The following MYH4 variants were observed in gnomAD, a reference collection of about 807,000 sequenced individuals.
The protein encoded by MYH4 is myosin-4.
MYH4 carries 200 observed loss-of-function variants against 229.9 expected under a neutral mutation model. The observed-to-expected ratio is 0.87, with a 90% confidence interval of 0.78 to 0.98. The LOEUF is 0.98. Ranked by LOEUF, MYH4 falls within the 50% of genes least tolerant of loss-of-function variation. MYH4 has a pLI of 0.00. For missense variants in MYH4, 2,148 were observed against 2,332.6 expected (o/e 0.92, Z 1.63); for synonymous variants, 761 against 834.6 (o/e 0.91, Z 1.52).
At chr17:10,457,868 G>T in intron 15 of MYH4, 139 bp from the exon 16 acceptor site, 1 of 1,186,392 alleles carries the variant, frequency 8.4e-7, no homozygotes, top group Non-Finnish European at 1.2e-6. Context: ...ATGTGAAGCA[G>T]TCATTATGTA....
intron 22 of MYH4, among the ~76,000 whole-genome samples, 169 bp downstream of exon 22, chr17:10,454,386 T>C (rs539220568): frequency 1.3e-5 from 2 of 152,356 alleles, no homozygotes; most frequent in East Asian, 1.9e-4. Context: ...TGAATGCACA[T>C]ATGAACGTGT....
At chr17:10,451,816 G>A (rs1048914824) in intron 27 of MYH4, 125 bp downstream of exon 27, 80 of 1,201,388 alleles carry the variant, frequency 6.7e-5, no homozygotes, top group Non-Finnish European at 8.9e-5. Flanking sequence ...ATGTGTACTA[G>A]GAGTAAGTTT....
intron 1 of MYH4, 44 bp from the exon 2 acceptor site, chr17:10,469,380 A>G (rs1192762018): frequency 6.6e-6 from 1 of 152,126 alleles, no homozygotes; most frequent in Admixed American, 6.6e-5. Context: ...TTTTTTCCCC[A>G]TTTAATCACA....
chr17:10,447,799 T>C lies in MYH4; in HGVS notation c.4965+19A>G. 6.3e-7 allele frequency: 1 copy of C among 1,586,786 alleles called. No individual in the cohort carries two copies. Among genetic ancestry groups the C allele is most frequent in the Non-Finnish European group, 8.6e-7 (1 of 1,165,802 alleles). ...AGCACTGAGACTGTACAACACTATGTGTATTTACCCCAGCATACCTTCAGT... is the reference window on the plus strand; with the variant it reads ...AGCACTGAGACTGTACAACACTATGCGTATTTACCCCAGCATACCTTCAGT... On this transcript the variant is annotated intron_variant, in intron 34 of 39. Transcript: ENST00000255381.
chr17:10,459,391 AG>A lies in MYH4; in HGVS notation c.1446del (p.Phe483SerfsTer55), dbSNP rs1205213100. On this transcript the variant is annotated frameshift_variant, in exon 15 of 40. Transcript: ENST00000255381. LOFTEE classifies it high-confidence loss of function. Reference sequence around the variant, plus strand: ...AACTGTTGCAGTTTCTCGTTGGTGAAGTTGATGCACAGCTGCTCCAGGCTGT... The same window carrying A: ...AACTGTTGCAGTTTCTCGTTGGTGAATTGATGCACAGCTGCTCCAGGCTGT... ...DFNSLEQLCI[N>X]FTNEKLQQFF... The A allele has an allele frequency of 1.9e-6, 3 of 1,614,088 alleles. No homozygotes were observed. The highest frequency in any genetic ancestry group is 2.5e-6 in the Non-Finnish European group (3 of 1,180,056).
rs1283164582 is a variant in MYH4, at chr17:10,466,560, G to A, written c.186C>T (p.Ala62=). Residue 62 remains alanine, a synonymous_variant, in exon 3 of 40, where the codon GCC becomes GCT. Transcript: ENST00000255381. ...TACTCACAGCTCCAGCTTCGGTCTTGGCTGTCACCTTCCCCCCTTCCCTGC... is the reference window on the plus strand; with the variant it reads ...TACTCACAGCTCCAGCTTCGGTCTTAGCTGTCACCTTCCCCCCTTCCCTGC... ...VQSREGGKVT[A]KTEAGATVTV... is the part of the protein sequence containing the mutation. 4 of 1,613,726 alleles carry A rather than the reference G, an allele frequency of 2.5e-6. No homozygotes were observed. In the African/African-American group the frequency reaches 5.3e-5, roughly 22 times the overall value.
intron 11 of MYH4, 147 bp downstream of exon 11, chr17:10,462,718 C>T: frequency 1.8e-6 from 1 of 560,698 alleles, no homozygotes; most frequent in East Asian, 2.9e-5. Flanking sequence ...TTGAAATATC[C>T]TACAATTTTT....
At chr17:10,459,723 T>G (rs945467027) in intron 14 of MYH4, among the ~76,000 whole-genome samples, 4 of 151,986 alleles carry the variant, frequency 2.6e-5, no homozygotes, top group African/African-American at 9.7e-5. Flanking sequence ...CCAGGATAGA[T>G]TTTGACTATT....
In MYH4 at chr17:10,463,564, T is replaced by A. The variant is rs759254368; in HGVS notation, c.728A>T (p.Asn243Ile). The A allele has an allele frequency of 6.2e-7, 1 of 1,612,656 alleles. No homozygotes were observed. Among genetic ancestry groups the A allele is most frequent in the East Asian group, 2.2e-5 (1 of 44,854 alleles). ...FGNAKTVRNDNSSRFGKFIRI... is the reference protein window; with the variant it reads ...FGNAKTVRNDISSRFGKFIRI... ...CAAGAGACTTACAAAGCGAGAGGAG[T>A]TGTCATTCCTCACGGTCTTGGCATT... The change falls in exon 8 of 40, where the codon AAC becomes ATC. Residue 243 changes from asparagine (N) to isoleucine (I), a missense_variant. Transcript: ENST00000255381.
intron 39 of MYH4, among the ~76,000 whole-genome samples, chr17:10,444,037 T>A (rs1477183571): frequency 2.0e-5 from 3 of 152,180 alleles, no homozygotes; most frequent in Non-Finnish European, 4.4e-5. Context: ...AGTCTCTCTC[T>A]CACTTGACTC....
chr17:10,459,877 A>G (rs2072681675), intron 14 of MYH4, 75 bp downstream of exon 14: 22 of 1,609,158 alleles, frequency 1.4e-5, no homozygotes, highest in East Asian at 2.2e-5. Flanking sequence ...TGTAAGGTAC[A>G]TTTTGTAAAT....
Position 10,444,958 on chromosome 17 carries a change from G to C in MYH4, c.5466+18C>G, listed in dbSNP as rs373271489. The C allele has an allele frequency of 3.7e-6, 6 of 1,614,136 alleles. No homozygotes were observed. The highest frequency in any genetic ancestry group is 5.1e-6 in the Non-Finnish European group (6 of 1,180,018). The stretch of plus-strand genomic sequence containing the variant: ...TGTAACTGGCCACAAGGAATTGAGT[G>C]AAGTTGTGGAGACCTACCCTGGCCT... On this transcript the variant is annotated intron_variant, in intron 37 of 39. Transcript: ENST00000255381.
chr17:10,461,083 C>A, intron 11 of MYH4, 29 bp from the exon 12 acceptor site: 30 of 1,611,752 alleles, frequency 1.9e-5, no homozygotes, highest in Non-Finnish European at 2.5e-5. Context: ...TTGCTCATCC[C>A]CAATTAGCAC....
chr17:10,457,794 A>T (rs2072658981), intron 15 of MYH4, 65 bp from the exon 16 acceptor site: 2 of 1,516,544 alleles, frequency 1.3e-6, no homozygotes, highest in Non-Finnish European at 1.8e-6. Context: ...CATGTAATTG[A>T]TGGAAAACTG....
Position 10,452,144 on chromosome 17 carries a change from G to T in MYH4, c.3535C>A (p.Arg1179Ser), listed in dbSNP as rs757546892. 11 of 1,613,960 alleles carry T rather than the reference G, an allele frequency of 6.8e-6. No individual in the cohort carries two copies. The highest frequency in any genetic ancestry group is 1.7e-5 in the Admixed American group (1 of 60,006). ...AGGGTGGACTCTTCCAGGTCCCTGCGCATTTTCTGGAACTCAGCCTCCCGC... is the reference window on the plus strand; with the variant it reads ...AGGGTGGACTCTTCCAGGTCCCTGCTCATTTTCTGGAACTCAGCCTCCCGC... Reference protein sequence around the residue: ...KKREAEFQKMRRDLEESTLQH... With the variant: ...KKREAEFQKMSRDLEESTLQH... Residue 1179 changes from arginine (R) to serine (S), a missense_variant, in exon 27 of 40, where the codon CGC becomes AGC. Transcript: ENST00000255381.
At chr17:10,459,101 T>C in intron 15 of MYH4, 150 bp downstream of exon 15, 1 of 1,287,238 alleles carries the variant, frequency 7.8e-7, no homozygotes, top group South Asian at 1.4e-5. Flanking sequence ...TAATAACAGA[T>C]CACTTGGAAC....
In MYH4 at chr17:10,450,622, G is replaced by T; in HGVS notation, c.4012C>A (p.Gln1338Lys). The T allele has an allele frequency of 1.9e-6, 3 of 1,614,166 alleles. No individual in the cohort carries two copies. Among genetic ancestry groups the T allele is most frequent in the Non-Finnish European group, 2.5e-6 (3 of 1,180,012 alleles). Residue 1338 changes from glutamine to lysine, a missense_variant, in exon 30 of 40, where the codon CAG (glutamine) becomes AAG (lysine). Coordinates refer to ENST00000255381, the MANE Select transcript of MYH4 (RefSeq NM_017533.2). ...AGGTCACAGTCATGGCGGGCTGACT[G>T]CAGGGCATGGGCCAGAGTGCTCTTG... ...KAKSTLAHAL[Q>K]SARHDCDLLR...
intron 27 of MYH4, 72 bp downstream of exon 27, chr17:10,451,869 A>T (rs900153504): frequency 1.5e-4 from 222 of 1,522,798 alleles, no homozygotes; most frequent in East Asian, 1.1e-4. Flanking sequence ...TTGGCTAAAA[A>T]TAGTCATATA....
intron 25 of MYH4, 61 bp downstream of exon 25, chr17:10,452,726 G>T: frequency 6.6e-7 from 1 of 1,509,994 alleles, no homozygotes; most frequent in Non-Finnish European, 8.9e-7. Context: ...TCTTTTTAGC[G>T]TATGTTTCAT....
Sources: gnomAD v4.1 joint callset for allele counts (sites outside exome capture counted in the v4.1 genomes callset) on GRCh38, gnomAD v4.1.1 for gene constraint, MANE v1.5 for transcripts, NCBI Gene and HGNC (gene_info 2026-07-23, HGNC 2026-07-21) for gene names.